The following COL23A1 variants were observed in gnomAD, a reference collection of about 807,000 sequenced individuals.
COL23A1 encodes the protein collagen type XXIII alpha 1 chain, also known as collagen alpha-1(XXIII) chain.
In COL23A1, 97 loss-of-function variants were observed where a neutral mutation model predicts 99.3. The observed-to-expected ratio is 0.98, with a 90% CI of 0.83 to 1.16. The LOEUF (loss-of-function observed/expected upper bound fraction) is 1.16, where lower values mean the gene tolerates loss of function less well. COL23A1 is among the 50% of genes most tolerant of loss of function. The pLI, the probability that COL23A1 is intolerant of heterozygous loss-of-function variation, is 0.00. For synonymous variants in COL23A1, 320 were observed against 308.2 expected (o/e 1.04, Z -0.40); for missense variants, 762 against 757.4 (o/e 1.01, Z -0.07).
At chr5:178,270,312 CT>C (rs1756213244) in intron 6 of COL23A1, 24 bp downstream of exon 6, 1 of 1,613,574 alleles carries the variant, frequency 6.2e-7, no homozygotes, top group African/African-American at 1.3e-5. Flanking sequence ...CCAGGACCCC[CT>C]GGAATTGCCC....
intron 2 of COL23A1, among the ~76,000 whole-genome samples, chr5:178,482,149 T>G (rs1160474345): frequency 6.6e-6 from 1 of 152,120 alleles, no homozygotes; most frequent in Non-Finnish European, 1.5e-5. Context: ...ACAGATAGTT[T>G]TATACCAACG....
At chr5:178,245,076 CTA>C in intron 25 of COL23A1, among the ~76,000 whole-genome samples, 1 of 130,734 alleles carries the variant, frequency 7.6e-6, no homozygotes, top group Non-Finnish European at 1.6e-5. Flanking sequence ...CACTCATCAT[CTA>C]TCATCCATCC....
chr5:178,496,404 GC>G (rs1462416478), intron 2 of COL23A1, among the ~76,000 whole-genome samples: 1 of 152,176 alleles, frequency 6.6e-6, no homozygotes, highest in Non-Finnish European at 1.5e-5. Context: ...AGAAAGGAAT[GC>G]CTTCTTGTTC....
chr5:178,410,234 C>T (rs1298308523), intron 2 of COL23A1, among the ~76,000 whole-genome samples: 1 of 152,138 alleles, frequency 6.6e-6, no homozygotes, highest in African/African-American at 2.4e-5. Flanking sequence ...TGAAAAATAT[C>T]CAACCTCACA....
intron 22 of COL23A1, among the ~76,000 whole-genome samples, chr5:178,247,296 G>GGCAGAGGGAGAAAGTGGGAGAGGAA (rs1764754415): frequency 6.6e-6 from 1 of 152,120 alleles, no homozygotes; most frequent in South Asian, 2.1e-4. Context: ...TGGGGTCCCG[G>GGCAGAGGGAGAAAGTGGGAGAGGAA]GCAGAGGGAG....
At chr5:178,380,681 C>T (rs1006380796) in intron 2 of COL23A1, among the ~76,000 whole-genome samples, 5 of 152,164 alleles carry the variant, frequency 3.3e-5, no homozygotes, top group Non-Finnish European at 5.9e-5. Flanking sequence ...ATGAACAGCA[C>T]GGCCCTGGCT....
chr5:178,244,235 C>T (rs564408459), intron 25 of COL23A1, among the ~76,000 whole-genome samples: 11 of 152,132 alleles, frequency 7.2e-5, no homozygotes, highest in South Asian at 2.1e-4. Context: ...GTGATCCACC[C>T]GCCTCGGCTT....
At chr5:178,257,654 T>G (rs1349597632) in intron 12 of COL23A1, 87 bp from the exon 13 acceptor site, 1 of 1,363,248 alleles carries the variant, frequency 7.3e-7, no homozygotes, top group Non-Finnish European at 1.0e-6. Flanking sequence ...AGCACACCAG[T>G]CTGCTCCTGG....
At chr5:178,576,961 C>T (rs1233987569) in intron 1 of COL23A1, among the ~76,000 whole-genome samples, 8 of 151,904 alleles carry the variant, frequency 5.3e-5, no homozygotes, top group Admixed American at 4.6e-4. Flanking sequence ...CGCTGCGCCC[C>T]GGCCCCAGCG....
At chr5:178,239,355 A>G (rs1764271243) in intron 27 of COL23A1, among the ~76,000 whole-genome samples, 176 bp from the exon 28 acceptor site, 1 of 151,876 alleles carries the variant, frequency 6.6e-6, no homozygotes, top group South Asian at 2.1e-4. Flanking sequence ...TAGTGGGGTC[A>G]TGGGGTCATG....
chr5:178,243,488 C>CAAA (rs1199927228), intron 25 of COL23A1, among the ~76,000 whole-genome samples: 6 of 86,778 alleles, frequency 6.9e-5, no homozygotes, highest in African/African-American at 1.3e-4. Context: ...ACTCCATCTC[C>CAAA]AAAAAAAAAA....
intron 2 of COL23A1, among the ~76,000 whole-genome samples, chr5:178,489,394 C>T (rs964792715): frequency 5.9e-5 from 9 of 152,242 alleles, no homozygotes; most frequent in Non-Finnish European, 1.2e-4. Context: ...GGTTCTGAGG[C>T]GTTCAGACTT....
chr5:178,484,523 T>C (rs1183013950), intron 2 of COL23A1, among the ~76,000 whole-genome samples: 1 of 151,978 alleles, frequency 6.6e-6, no homozygotes, highest in African/African-American at 2.4e-5. Flanking sequence ...CTCCCGAAAC[T>C]GTAAGAACAG....
intron 2 of COL23A1, among the ~76,000 whole-genome samples, chr5:178,519,407 G>A (rs895667734): frequency 2.0e-5 from 3 of 152,192 alleles, no homozygotes; most frequent in African/African-American, 7.2e-5. Flanking sequence ...GTGCGTCCAT[G>A]AAGGGTCCAG....
At chr5:178,407,856 C>G (rs570082030) in intron 2 of COL23A1, among the ~76,000 whole-genome samples, 138 of 152,194 alleles carry the variant, frequency 9.1e-4, no homozygotes, top group Non-Finnish European at 1.2e-3. Context: ...AACAAAAGAT[C>G]TGACATTAGT....
intron 1 of COL23A1, among the ~76,000 whole-genome samples, chr5:178,582,328 G>A (rs1763705204): frequency 1.3e-5 from 2 of 152,102 alleles, no homozygotes; most frequent in South Asian, 2.1e-4. Flanking sequence ...GCAGGAGCTG[G>A]AGCGCTAATG....
At chr5:178,358,479 G>A (rs959613180) in intron 2 of COL23A1, among the ~76,000 whole-genome samples, 10 of 142,880 alleles carry the variant, frequency 7.0e-5, no homozygotes, top group African/African-American at 1.0e-4. Flanking sequence ...GTGCGTATGC[G>A]TATATATGTG....
In COL23A1 at chr5:178,543,338, C is replaced by G. The variant is rs113619395; in HGVS notation, c.361+17344G>C. ...GCCAGGCTGGTCGTCAACTCCCAAC[C>G]TCAGGTGATTCTCCCACCTTGGCCT... On this transcript the variant is annotated intron_variant, in intron 2 of 28. Coordinates refer to ENST00000390654, the MANE Select transcript of COL23A1 (RefSeq NM_173465.4). Among the ~76,000 whole-genome samples, 9 of 152,238 alleles carry G rather than the reference C, an allele frequency of 5.9e-5. 1 individual carries two copies. Among genetic ancestry groups the G allele is most frequent in the African/African-American group, 1.9e-4 (8 of 41,526 alleles).
intron 9 of COL23A1, among the ~76,000 whole-genome samples, 192 bp downstream of exon 9, chr5:178,263,016 C>G (rs2127554511): frequency 1.3e-5 from 2 of 152,114 alleles, no homozygotes; most frequent in South Asian, 4.2e-4. Flanking sequence ...GGTCTGGGGT[C>G]AGGGTCAGGA....
Sources: allele counts gnomAD v4.1 joint callset (sites outside exome capture counted in the v4.1 genomes callset), GRCh38; gene constraint gnomAD v4.1.1; transcripts MANE v1.5; gene names NCBI Gene and HGNC (gene_info 2026-07-23, HGNC 2026-07-21).